PLXNA2: variants seen among roughly 807,000 people sequenced by gnomAD.
The protein encoded by PLXNA2 is plexin-A2.
A neutral mutation model predicts 193.5 loss-of-function variants in PLXNA2; 91 were observed. The observed-to-expected ratio is 0.47, with a 90% confidence interval of 0.40 to 0.56. PLXNA2 has a LOEUF of 0.56. PLXNA2 is among the 20% of genes least tolerant of loss of function. The probability of loss-of-function intolerance (pLI) is 0.00; values close to 1 mark genes in which losing one functional copy is unlikely to be tolerated. For synonymous variants in PLXNA2, 997 were observed against 1,027.3 expected, an observed-to-expected ratio of 0.97 and a Z score of 0.56; for missense variants, 1,995 against 2,503.2, an observed-to-expected ratio of 0.80 and a Z score of 4.33.
At position 208,084,367 on chromosome 1, in the gene PLXNA2, T is replaced by C; in HGVS notation, c.2298+13A>G. ...GCCCTGCTCCAGGCAGGGCCCAGCC[T>C]GCGTTTTCTTACCGAGCTGTTCTGA... On this transcript the variant is annotated intron_variant, in intron 10 of 31. Transcript: ENST00000367033. The C allele has an allele frequency of 1.2e-6, 2 of 1,613,764 alleles. No individual in the cohort carries two copies. Among genetic ancestry groups the C allele is most frequent in the Non-Finnish European group, 1.7e-6 (2 of 1,179,846 alleles).
At chr1:208,240,055 CTGTA>C (rs1196380969) in intron 1 of PLXNA2, among the ~76,000 whole-genome samples, 2 of 152,218 alleles carry the variant, frequency 1.3e-5, no homozygotes, top group Non-Finnish European at 2.9e-5. Flanking sequence ...GGTTAACCAA[CTGTA>C]GAAGCAGAGA....
rs1310480889 is a variant in PLXNA2, at chr1:208,082,293, C to T, written c.2395+119G>A. On this transcript the variant is annotated intron_variant, in intron 11 of 31. Coordinates refer to ENST00000367033, the MANE Select transcript of PLXNA2 (RefSeq NM_025179.4). The surrounding 1 kb of genome is among the most constrained non-coding windows in gnomAD (Gnocchi z 4.2). ...TGCTTTAGGATCCTCTGAAGAGTTC[C>T]GCCGACAGAGGGAGTGTATTATTCA... 9 of 756,578 alleles carry T rather than the reference C, an allele frequency of 1.2e-5. No individual in the cohort carries two copies. Among genetic ancestry groups the T allele is most frequent in the African/African-American group, 1.7e-5 (1 of 57,984 alleles). 46.9% of individuals were successfully genotyped at this position (756,578 alleles called of 1,614,324 possible). A position where few individuals can be genotyped will look rare whatever the true frequency, so the allele number is the denominator to read the frequency against.
chr1:208,058,382 T>C (rs1665509511), intron 13 of PLXNA2, among the ~76,000 whole-genome samples: 2 of 152,192 alleles, frequency 1.3e-5, no homozygotes, highest in Admixed American at 6.5e-5. Context: ...TGCTGAGTGA[T>C]AGATGGCGCA....
At chr1:208,227,680 C>A (rs999824869) in intron 1 of PLXNA2, among the ~76,000 whole-genome samples, 11 of 152,156 alleles carry the variant, frequency 7.2e-5, no homozygotes, top group African/African-American at 2.7e-4. Flanking sequence ...TCCTGGTTAT[C>A]AAGCACCAGG....
Position 208,106,678 on chromosome 1 carries a change from T to C in PLXNA2, c.1507-3431A>G, listed in dbSNP as rs539786011. On this transcript the variant is annotated intron_variant, in intron 4 of 31. Transcript: ENST00000367033. The stretch of plus-strand genomic sequence containing the variant: ...TACATCAATAATTTTTATTGACATG[T>C]TGAAGAGATATTTTGCTTATCTTGA... Among the ~76,000 whole-genome samples, 30 of 152,368 alleles carry C rather than the reference T, an allele frequency of 2.0e-4. No individual in the cohort carries two copies. The East Asian group carries it at 3.8e-3, about 20-fold the overall frequency.
At chr1:208,177,598 T>C (rs1173891405) in intron 3 of PLXNA2, among the ~76,000 whole-genome samples, 1 of 152,260 alleles carries the variant, frequency 6.6e-6, no homozygotes, top group Non-Finnish European at 1.5e-5. Flanking sequence ...TTTTCCTTAG[T>C]GACCTCAAGG....
intron 1 of PLXNA2, among the ~76,000 whole-genome samples, chr1:208,240,940 C>A (rs1389913880): frequency 6.6e-6 from 1 of 152,000 alleles, no homozygotes; most frequent in Non-Finnish European, 1.5e-5. Context: ...CACACCAAAC[C>A]CTATATCTTA....
intron 3 of PLXNA2, among the ~76,000 whole-genome samples, chr1:208,207,881 G>T (rs139424380): frequency 6.6e-6 from 1 of 152,298 alleles, no homozygotes; most frequent in East Asian, 1.9e-4. Flanking sequence ...CATAGAAACC[G>T]CCAAAGAAAG....
chr1:208,040,960 G>C (rs796108621), intron 22 of PLXNA2, among the ~76,000 whole-genome samples: 1 of 152,182 alleles, frequency 6.6e-6, no homozygotes, highest in African/African-American at 2.4e-5. Flanking sequence ...CTCCCTGCAC[G>C]TGGTGCAAAT....
At chr1:208,133,312 A>C (rs1183720513) in intron 4 of PLXNA2, among the ~76,000 whole-genome samples, 1 of 152,176 alleles carries the variant, frequency 6.6e-6, no homozygotes, top group South Asian at 2.1e-4. Context: ...TGATTTATCT[A>C]TACATCATTG....
chr1:208,070,093 C>G (rs12063673), intron 12 of PLXNA2, among the ~76,000 whole-genome samples: 36,282 of 152,080 alleles, frequency 0.24, 4,451 homozygotes, highest in Admixed American at 0.3. Flanking sequence ...CCCCAGGGGA[C>G]ACCCCCATCC....
intron 12 of PLXNA2, among the ~76,000 whole-genome samples, chr1:208,072,689 C>T (rs56048631): frequency 6.2e-4 from 95 of 152,280 alleles, no homozygotes; most frequent in Non-Finnish European, 1.3e-3. Context: ...AATGCTTCCC[C>T]CAAAAGGCAA....
In PLXNA2 at chr1:208,185,069, C is replaced by T. The variant is rs141021786; in HGVS notation, c.1371+25211G>A. On this transcript the variant is annotated intron_variant, in intron 3 of 31. Coordinates refer to ENST00000367033, the MANE Select transcript of PLXNA2 (RefSeq NM_025179.4). ...TCCTGGCATTGGCCCATAAGGAATC[C>T]CTGCCTCTCACACTCTGCTCTGAAC... 4.3e-4 allele frequency among the ~76,000 whole-genome samples: 66 copies of T among 152,140 alleles called. 1 individual carries two copies. The highest frequency in any genetic ancestry group is 1.5e-3 in the African/African-American group (64 of 41,428).
Position 208,217,518 on chromosome 1 carries a change from C to A in PLXNA2, c.405G>T (p.Gly135=). 2 of 1,614,162 alleles carry A rather than the reference C, an allele frequency of 1.2e-6. No individual in the cohort carries two copies. The highest frequency in any genetic ancestry group is 1.1e-5 in the South Asian group (1 of 91,074). The change falls in exon 2 of 32, where the codon GGG becomes GGT. Residue 135 remains glycine (G), a synonymous_variant. Transcript: ENST00000367033. The surrounding 1 kb of genome is among the most constrained non-coding windows in gnomAD (Gnocchi z 4.7). ...RLLACGSLYQ[G]VCKLLRLDDL... is the part of the protein sequence containing the mutation. ...CATCCAGCCGCAGCAGCTTGCAGAC[C>A]CCCTGGTAGAGGCTCCCACAGGCCA...
intron 31 of PLXNA2, 124 bp downstream of exon 31, chr1:208,027,885 T>C: frequency 1.2e-6 from 1 of 831,268 alleles, no homozygotes; most frequent in Non-Finnish European, 1.8e-6. Context: ...GGAATGATAA[T>C]TTTCGAGCTC....
chr1:208,186,886 AT>A (rs540818084), intron 3 of PLXNA2, among the ~76,000 whole-genome samples: 1 of 147,934 alleles, frequency 6.8e-6, no homozygotes, highest in Non-Finnish European at 1.5e-5. Context: ...CGCCCGGCTA[AT>A]TTTTTTTGTA....
intron 3 of PLXNA2, among the ~76,000 whole-genome samples, chr1:208,172,443 C>A (rs897098541): frequency 1.3e-5 from 2 of 152,186 alleles, no homozygotes; most frequent in African/African-American, 4.8e-5. Context: ...GCTGCCCCCT[C>A]CTCTTCCATC....
rs1415287059 is a variant in PLXNA2 at position 208,033,529 on chromosome 1, G to A, written c.4865-20C>T. 6.3e-7 allele frequency: 1 copy of A among 1,579,074 alleles called. No individual in the cohort carries two copies. The highest frequency in any genetic ancestry group is 8.6e-7 in the Non-Finnish European group (1 of 1,157,168). On this transcript the variant is annotated intron_variant, in intron 27 of 31. Transcript: ENST00000367033. ...AGGAGTCTGAGGAGAAGGGGTTGGT[G>A]GAGGGCTGTGAGTAACAGTCACCAG...
At chr1:208,102,242 C>A (rs551163712) in intron 5 of PLXNA2, among the ~76,000 whole-genome samples, 1 of 152,350 alleles carries the variant, frequency 6.6e-6, no homozygotes, top group African/African-American at 2.4e-5. Flanking sequence ...AGCTATTGTG[C>A]AGGACCCTGA....
Sources: gnomAD v4.1 joint callset for allele counts (sites outside exome capture counted in the v4.1 genomes callset) on GRCh38, gnomAD v4.1.1 for gene constraint, Gnocchi (gnomAD v3.1) non-coding constraint, MANE v1.5 for transcripts, NCBI Gene and HGNC (gene_info 2026-07-23, HGNC 2026-07-21) for gene names.